The following GOLGA2 variants were observed in gnomAD, a reference collection of about 807,000 sequenced individuals.
GOLGA2 encodes the protein golgin subfamily A member 2.
GOLGA2 carries 49 observed loss-of-function variants against 148.8 expected under a neutral mutation model. The ratio of observed to expected loss-of-function variants is 0.33; its 90% CI spans 0.26 to 0.42. The LOEUF (loss-of-function observed/expected upper bound fraction) is 0.42. GOLGA2 is among the 10% of genes least tolerant of loss of function. The pLI, the probability that GOLGA2 is intolerant of heterozygous loss-of-function variation, is 1.00. For synonymous variants in GOLGA2, 501 were observed against 511.8 expected, an observed-to-expected ratio of 0.98 and a Z score of 0.28; for missense variants, 1,178 against 1,304.6, an observed-to-expected ratio of 0.90 and a Z score of 1.49.
In GOLGA2 at chr9:128,261,774, G is replaced by A. The variant is rs372010987; in HGVS notation, c.1135-17C>T. The A allele has an allele frequency of 5.0e-5, 79 of 1,567,784 alleles. No individual in the cohort carries two copies. The highest frequency in any genetic ancestry group is 4.3e-4 in the African/African-American group (32 of 74,016). ...GCTTGAAAACTGGATGGTGAAGAGC[G>A]AGAAGTTTAGATCTGGGGAGCCCAG... is the stretch of plus-strand genomic sequence containing the variant. On this transcript the variant is annotated splice_polypyrimidine_tract_variant and intron_variant, in intron 14 of 26. Transcript: ENST00000611957. The surrounding 1 kb of genome is among the most constrained non-coding windows in gnomAD (Gnocchi z 5.7).
At position 128,257,747 on chromosome 9, in the gene GOLGA2, CCGCTGTG is replaced by C. The variant is rs757467777; in HGVS notation, c.2611+36_2612-41del. On this transcript the variant is annotated intron_variant, in intron 24 of 26. Coordinates refer to ENST00000611957, the MANE Select transcript of GOLGA2 (RefSeq NM_001366244.2). The surrounding 1 kb of genome is among the most constrained non-coding windows in gnomAD (Gnocchi z 8.0). ...GGCTCAGATGCTGGGTTCCCTCCGACCGCTGTGCAGCTCCTCCTGCCGTGCCCTGGCC... is the reference window on the plus strand; with the variant it reads ...GGCTCAGATGCTGGGTTCCCTCCGACCAGCTCCTCCTGCCGTGCCCTGGCC... 3.4e-5 allele frequency: 55 copies of C among 1,609,742 alleles called. 1 individual carries two copies. The African/African-American group carries it at 7.2e-4, about 21-fold the overall frequency.
At chr9:128,263,992 TAA>T (rs1168441141) in intron 12 of GOLGA2, among the ~76,000 whole-genome samples, 6 of 128,236 alleles carry the variant, frequency 4.7e-5, no homozygotes, top group African/African-American at 2.8e-5. Context: ...CCATCTCTAC[TAA>T]AAAAAAAAAA....
Position 128,271,293 on chromosome 9 carries a change from G to A in GOLGA2, c.288+1492C>T, listed in dbSNP as rs1425249067. The stretch of plus-strand genomic sequence containing the variant: ...CAAGGTGAGTCACAGCACCTGGACA[G>A]ACCTGATCAACTGGAGGGTAACAGG... On this transcript the variant is annotated intron_variant, in intron 3 of 26. Transcript: ENST00000611957. This position sits in a 1 kb window ranked among gnomAD's most constrained non-coding sequence, Gnocchi z 4.4. 2.0e-5 allele frequency among the ~76,000 whole-genome samples: 3 copies of A among 152,170 alleles called. No homozygotes were observed. Among genetic ancestry groups the A allele is most frequent in the Admixed American group, 2.0e-4 (3 of 15,274 alleles).
At chr9:128,273,696 A>G (rs1831103550) in intron 2 of GOLGA2, 154 bp downstream of exon 2, 2 of 919,990 alleles carry the variant, frequency 2.2e-6, no homozygotes, top group Non-Finnish European at 3.3e-6. Context: ...AGCTCAAGCA[A>G]TTTGCCCTAA....
chr9:128,260,559 A>G lies in GOLGA2; in HGVS notation c.1664T>C (p.Met555Thr), dbSNP rs1391465758. 3 of 1,612,834 alleles carry G rather than the reference A, an allele frequency of 1.9e-6. No homozygotes were observed. Among genetic ancestry groups the G allele is most frequent in the Admixed American group, 3.3e-5 (2 of 60,028 alleles). ...AEARRQILET[M>T]QNDRTTISRA... ...GCTGATGGTAGTGCGGTCGTTCTGC[A>G]TGGTCTCCAGGATTTGCCTGCGCGC... The change falls in exon 18 of 27, where the codon ATG becomes ACG. Residue 555 changes from methionine (M) to threonine (T), a missense_variant. Around this residue, in one of 5 missense-constraint regions of GOLGA2, gnomAD observed 529 missense variants for 521.8 expected, o/e 1.01. Coordinates refer to ENST00000611957, the MANE Select transcript of GOLGA2 (RefSeq NM_001366244.2). This position sits in a 1 kb window ranked among gnomAD's most constrained non-coding sequence, Gnocchi z 4.8.
chr9:128,262,112 G>A, intron 14 of GOLGA2: 1 of 271,074 alleles, frequency 3.7e-6, no homozygotes, highest in Non-Finnish European at 7.0e-6. Flanking sequence ...GAGGCAGGAG[G>A]ATGGCTTGAG....
chr9:128,258,533 C>A lies in GOLGA2; in HGVS notation c.2211G>T (p.Glu737Asp), dbSNP rs143073995. The A allele has an allele frequency of 7.6e-6, 12 of 1,575,588 alleles. No homozygotes were observed. Among genetic ancestry groups the A allele is most frequent in the South Asian group, 2.3e-5 (2 of 87,032 alleles). The change falls in exon 22 of 27, where the codon GAG (glutamate) becomes GAT (aspartate). Residue 737 changes from glutamate to aspartate, a missense_variant. Glu to Asp is a conservative substitution (Grantham distance 45, BLOSUM62 2). Coordinates refer to ENST00000611957, the MANE Select transcript of GOLGA2 (RefSeq NM_001366244.2). This position sits in a 1 kb window ranked among gnomAD's most constrained non-coding sequence, Gnocchi z 6.6. Reference sequence around the variant, plus strand: ...CTGCCACCGCCTCCTCCTCCTCCTCCTCCTCATCCTCCTCCTCCTCCCGGT... The same window carrying A: ...CTGCCACCGCCTCCTCCTCCTCCTCATCCTCATCCTCCTCCTCCTCCCGGT... ...GLDREEEEDEEEEEEEAVAVP... is the reference protein window; with the variant it reads ...GLDREEEEDEDEEEEEAVAVP...
chr9:128,274,732 A>T (rs1311775104), intron 1 of GOLGA2, among the ~76,000 whole-genome samples: 1 of 152,220 alleles, frequency 6.6e-6, no homozygotes, highest in Non-Finnish European at 1.5e-5. Context: ...TTCAGAGAAA[A>T]GTCTGGTATA....
chr9:128,269,496 T>C (rs1830800508), intron 3 of GOLGA2, among the ~76,000 whole-genome samples: 1 of 152,134 alleles, frequency 6.6e-6, no homozygotes, highest in South Asian at 2.1e-4. Context: ...GAATAGTACC[T>C]GAGGACAATC....
intron 2 of GOLGA2, 90 bp downstream of exon 2, chr9:128,273,760 G>T (rs769326318): frequency 4.7e-6 from 7 of 1,480,470 alleles, no homozygotes; most frequent in Non-Finnish European, 6.5e-6. Flanking sequence ...CTCTTAATCA[G>T]TACCCAACAG....
In GOLGA2 at chr9:128,258,071, G is replaced by A. The variant is rs769564948; in HGVS notation, c.2417C>T (p.Pro806Leu). Reference sequence around the variant, plus strand: ...CCCTGGGGCTGGGGCTGCTGCCTCAGGCTCCTTCTGGGCCGAGGCCAGCAG... The same window carrying A: ...CCCTGGGGCTGGGGCTGCTGCCTCAAGCTCCTTCTGGGCCGAGGCCAGCAG... The part of the protein sequence containing the change: ...AHLLASAQKE[P>L]EAAAPAPGTG... Residue 806 changes from proline to leucine, a missense_variant, in exon 23 of 27, where the codon CCT becomes CTT. Pro to Leu is a moderately conservative substitution (Grantham distance 98). Transcript: ENST00000611957. This position sits in a 1 kb window ranked among gnomAD's most constrained non-coding sequence, Gnocchi z 6.6. 2 of 1,611,214 alleles carry A rather than the reference G, an allele frequency of 1.2e-6. No homozygotes were observed. The highest frequency in any genetic ancestry group is 4.5e-5 in the East Asian group (2 of 44,854).
At position 128,259,051 on chromosome 9, in the gene GOLGA2, T is replaced by C. The variant is rs1564362695; in HGVS notation, c.2129A>G (p.Gln710Arg). The change falls in exon 21 of 27, where the codon CAG becomes CGG. Residue 710 changes from glutamine to arginine, a missense_variant. Around this residue, in one of 5 missense-constraint regions of GOLGA2, gnomAD observed 529 missense variants for 521.8 expected, o/e 1.01. Transcript: ENST00000611957. ...GAGGCTCAACTGGGCCCGTAGCTGC[T>C]GATTCTGCTGGGTGGCAGCTTCCAG... The part of the protein sequence containing the change: ...ERLEAATQQN[Q>R]QLRAQLSLMA... The C allele has an allele frequency of 1.2e-6, 2 of 1,611,578 alleles. No individual in the cohort carries two copies. The highest frequency in any genetic ancestry group is 1.7e-4 in the Middle Eastern group (1 of 6,026).
Position 128,272,817 on chromosome 9 carries a change from C to T in GOLGA2, c.256G>A (p.Gly86Arg), listed in dbSNP as rs1831041468. Residue 86 changes from glycine to arginine, a missense_variant, in exon 3 of 27, where the codon GGG becomes AGG. Physicochemically the swap from Gly to Arg is moderately radical, Grantham distance 125. Around this residue, in one of 5 missense-constraint regions of GOLGA2, gnomAD observed 158 missense variants for 156.6 expected, o/e 1.01. Transcript: ENST00000611957. Reference protein sequence around the residue: ...VLVSDLNRSNGVALPPLDKWK... With the variant: ...VLVSDLNRSNRVALPPLDKWK... ...TTGTCCAATGGGGGGAGCGCTACCCCATTGGAACGGTTAAGGTCGGACACC... is the reference window on the plus strand; with the variant it reads ...TTGTCCAATGGGGGGAGCGCTACCCTATTGGAACGGTTAAGGTCGGACACC... 7.8e-7 allele frequency: 1 copy of T among 1,280,244 alleles called. No individual in the cohort carries two copies. Among genetic ancestry groups the T allele is most frequent in the Admixed American group, 2.3e-5 (1 of 43,172 alleles). The allele number at this position is 1,280,244 out of a possible 1,614,324, so 79.3% of individuals were successfully genotyped here. A position where few individuals can be genotyped will look rare whatever the true frequency, so the allele number is the denominator to read the frequency against.
intron 3 of GOLGA2, 54 bp from the exon 4 acceptor site, chr9:128,268,578 T>G (rs1830745141): frequency 1.1e-6 from 1 of 903,240 alleles, no homozygotes; most frequent in African/African-American, 1.6e-5. Flanking sequence ...GGTGCCTCAG[T>G]ACTATGAACA....
chr9:128,264,993 T>C (rs1303450170), intron 12 of GOLGA2, among the ~76,000 whole-genome samples: 1 of 152,154 alleles, frequency 6.6e-6, no homozygotes, highest in African/African-American at 2.4e-5. Context: ...CACCCAGGTA[T>C]ATCTGACTCT....
rs1344736340 is a variant in GOLGA2 at position 128,266,543 on chromosome 9, T to C, written c.643-218A>G. ...ACAGCCACAGAACTGAAAGTCTGAA[T>C]CTCGATTCTCTTGAAAGGACAGTAA... On this transcript the variant is annotated intron_variant, in intron 8 of 26. Transcript: ENST00000611957. This position sits in a 1 kb window ranked among gnomAD's most constrained non-coding sequence, Gnocchi z 4.2. 6 of 600,958 alleles carry C rather than the reference T, an allele frequency of 1.0e-5. No individual in the cohort carries two copies. In the East Asian group the frequency reaches 1.4e-4, roughly 14 times the overall value. 37.2% of individuals were successfully genotyped at this position (600,958 alleles called of 1,614,324 possible).
chr9:128,262,688 G>C lies in GOLGA2; in HGVS notation c.1009C>G (p.Leu337Val). The C allele has an allele frequency of 6.2e-7, 1 of 1,613,448 alleles. No homozygotes were observed. The highest frequency in any genetic ancestry group is 8.5e-7 in the Non-Finnish European group (1 of 1,179,786). Reference sequence around the variant, plus strand: ...TCCAATTCTGATTTCTCTTGCTTCAGGTCCTCATTGCTTTGGCTATGGCCA... The same window carrying C: ...TCCAATTCTGATTTCTCTTGCTTCACGTCCTCATTGCTTTGGCTATGGCCA... ...LYKNTQSNED[L>V]KQEKSELEEK... Residue 337 changes from leucine (L) to valine (V), a missense_variant, in exon 14 of 27, where the codon CTG becomes GTG. Transcript: ENST00000611957.
chr9:128,274,838 C>T (rs570491989), intron 1 of GOLGA2, among the ~76,000 whole-genome samples: 4 of 152,190 alleles, frequency 2.6e-5, no homozygotes, highest in African/African-American at 7.2e-5. Context: ...AAAGATGCCC[C>T]GTATTTATCC....
rs765386975 is a variant in GOLGA2 at position 128,261,272 on chromosome 9, C to T, written c.1333-13G>A. On this transcript the variant is annotated splice_polypyrimidine_tract_variant and intron_variant, in intron 16 of 26. Transcript: ENST00000611957. This position sits in a 1 kb window ranked among gnomAD's most constrained non-coding sequence, Gnocchi z 5.7. ...TCAATGTGTGCACCTGCCCAAAGCA[C>T]AGCAAGAAAGGGCCCTGGAGAGGGG... 3 of 1,607,396 alleles carry T rather than the reference C, an allele frequency of 1.9e-6. No individual in the cohort carries two copies. Among genetic ancestry groups the T allele is most frequent in the South Asian group, 1.1e-5 (1 of 90,950 alleles).
Sources: gnomAD v4.1 joint callset for allele counts (sites outside exome capture counted in the v4.1 genomes callset) on GRCh38, gnomAD v4.1.1 for gene constraint, gnomAD v4.1.1 regional missense constraint, Gnocchi (gnomAD v3.1) non-coding constraint, MANE v1.5 for transcripts, NCBI Gene and HGNC (gene_info 2026-07-23, HGNC 2026-07-21) for gene names.